The following SLC30A10 variants were observed in gnomAD, a reference collection of about 807,000 sequenced individuals.
The protein encoded by SLC30A10 is solute carrier family 30 member 10, also known as calcium/manganese antiporter SLC30A10.
A neutral mutation model predicts 21.7 loss-of-function variants in SLC30A10; 8 were observed. That is an observed-to-expected ratio of 0.37 (90% CI 0.22 to 0.67). The LOEUF (loss-of-function observed/expected upper bound fraction) is 0.67. Among genes scored for constraint, SLC30A10 ranks in the 30% least tolerant of loss-of-function variants. The pLI, the probability that SLC30A10 is intolerant of heterozygous loss-of-function variation, is 0.58. For synonymous variants in SLC30A10, 272 were observed against 279.4 expected (o/e 0.97, Z 0.26); for missense variants, 521 against 642.5 (o/e 0.81, Z 2.04).
chr1:219,920,959 C>A (rs747992655), intron 2 of SLC30A10, among the ~76,000 whole-genome samples: 1 of 152,144 alleles, frequency 6.6e-6, no homozygotes, highest in African/African-American at 2.4e-5. Flanking sequence ...TTACCTTTTT[C>A]ATACAAGACA....
chr1:219,922,438 AC>A (rs1659719592), intron 2 of SLC30A10, among the ~76,000 whole-genome samples: 1 of 151,796 alleles, frequency 6.6e-6, no homozygotes, highest in African/African-American at 2.4e-5. Context: ...TGGAGAGGAG[AC>A]AGACTTCAAC....
chr1:219,925,407 A>C (rs1196793500), intron 2 of SLC30A10, among the ~76,000 whole-genome samples: 1 of 150,980 alleles, frequency 6.6e-6, no homozygotes, highest in Non-Finnish European at 1.5e-5. Context: ...GGTGGTGCGC[A>C]CCTGTAATCC....
rs1307352437 is a variant in SLC30A10 at position 219,928,174 on chromosome 1, G to A, written c.267C>T (p.Leu89=). The A allele has an allele frequency of 1.3e-6, 2 of 1,559,434 alleles. No homozygotes were observed. The highest frequency in any genetic ancestry group is 1.9e-5 in the Admixed American group (1 of 51,640). The change falls in exon 1 of 4, where the codon CTC becomes CTT. Residue 89 remains leucine, a synonymous_variant. Transcript: ENST00000366926. This position sits in a 1 kb window ranked among gnomAD's most constrained non-coding sequence, Gnocchi z 6.3. Reference sequence around the variant, plus strand: ...CGAAGATGGTGAAGCAGAGCGCGGTGAGGAAGACCGCGTTGCTCAGCGCGC... The same window carrying A: ...CGAAGATGGTGAAGCAGAGCGCGGTAAGGAAGACCGCGTTGCTCAGCGCGC... ...VVGALSNAVF[L]TALCFTIFVE... is the part of the protein sequence containing the mutation.
At chr1:219,945,992 TG>T (rs1660183018) in intron 1 of SLC30A10, among the ~76,000 whole-genome samples, 1 of 152,140 alleles carries the variant, frequency 6.6e-6, no homozygotes, top group African/African-American at 2.4e-5. Flanking sequence ...AGAGGAAGCT[TG>T]GGGGTTTTGT....
intron 1 of SLC30A10, among the ~76,000 whole-genome samples, chr1:219,934,301 A>C (rs1660012812): frequency 6.6e-6 from 1 of 152,064 alleles, no homozygotes; most frequent in African/African-American, 2.4e-5. Flanking sequence ...CACACAAAAA[A>C]ATACCAAAAA....
chr1:219,957,237 T>A (rs531730071), intron 1 of SLC30A10, among the ~76,000 whole-genome samples: 2 of 152,258 alleles, frequency 1.3e-5, no homozygotes, highest in East Asian at 3.9e-4. Flanking sequence ...TATTTTTATG[T>A]TTACCACATC....
In SLC30A10 at chr1:219,937,604, G is replaced by A. The variant is rs1192202710; in HGVS notation, n.81-10499C>T. On this transcript the variant is annotated intron_variant and non_coding_transcript_variant, in intron 1 of 8. Coordinates refer to the SLC30A10 transcript ENST00000484239. ...CCAAGGCGGGCGGATCACTTGAGGTGTGGAGTTCAAGACCAGCCTGCCAAC... is the reference window on the plus strand; with the variant it reads ...CCAAGGCGGGCGGATCACTTGAGGTATGGAGTTCAAGACCAGCCTGCCAAC... Among the ~76,000 whole-genome samples the A allele has an allele frequency of 2.6e-5, 4 of 152,184 alleles. No homozygotes were observed. The East Asian group carries it at 7.7e-4, about 29-fold the overall frequency.
At chr1:219,926,962 A>G in intron 2 of SLC30A10, 66 bp downstream of exon 2, 1 of 1,315,020 alleles carries the variant, frequency 7.6e-7, no homozygotes, top group African/African-American at 1.5e-5. Flanking sequence ...AGTCAAACAG[A>G]AATAAACAAC....
chr1:219,955,003 CTA>C (rs989510500), intron 1 of SLC30A10, among the ~76,000 whole-genome samples: 2 of 151,978 alleles, frequency 1.3e-5, no homozygotes, highest in Non-Finnish European at 2.9e-5. Flanking sequence ...GAAAAAATAA[CTA>C]AAAATAAGAC....
At chr1:219,944,299 T>A (rs1374714340) in intron 1 of SLC30A10, among the ~76,000 whole-genome samples, 1 of 151,390 alleles carries the variant, frequency 6.6e-6, no homozygotes, top group Non-Finnish European at 1.5e-5. Flanking sequence ...ATACAAAAAA[T>A]TAGCCAGGCA....
intron 2 of SLC30A10, among the ~76,000 whole-genome samples, chr1:219,922,176 GTTTTTTTTTTTTTTTT>G (rs869249213): frequency 1.1e-3 from 40 of 36,448 alleles, no homozygotes; most frequent in African/African-American, 3.3e-3. Flanking sequence ...GTGTGTGTGT[GTTTTTTTTTTTTTTTT>G]TTTTTTTTTT....
At chr1:219,922,176 GTTT>G (rs869249213) in intron 2 of SLC30A10, among the ~76,000 whole-genome samples, 1 of 36,408 alleles carries the variant, frequency 2.7e-5, no homozygotes, top group Non-Finnish European at 5.1e-5. Flanking sequence ...GTGTGTGTGT[GTTT>G]TTTTTTTTTT....
At chr1:219,927,247 C>T (rs1659848002) in intron 1 of SLC30A10, 142 bp from the exon 2 acceptor site, 1 of 791,508 alleles carries the variant, frequency 1.3e-6, no homozygotes, top group Admixed American at 2.4e-5. Flanking sequence ...CAGCTCAGAA[C>T]AGTACATTTT....
chr1:219,915,978 A>C (rs1286173651), intron 3 of SLC30A10, 30 bp from the exon 4 acceptor site: 1 of 1,593,100 alleles, frequency 6.3e-7, no homozygotes, highest in South Asian at 1.1e-5. Context: ...ACAAAAGCCA[A>C]GGTGAGCGCT....
At chr1:219,929,426 A>G (rs1227271696), upstream of SLC30A10, among the ~76,000 whole-genome samples, 1 of 152,192 alleles carries the variant, frequency 6.6e-6, no homozygotes, top group East Asian at 1.9e-4. Context: ...TTCTTCATTG[A>G]AGAGAATATT....
At chr1:219,946,425 T>C (rs1407085575) in intron 1 of SLC30A10, among the ~76,000 whole-genome samples, 1 of 152,174 alleles carries the variant, frequency 6.6e-6, no homozygotes, top group East Asian at 1.9e-4. Flanking sequence ...GATAAACTGT[T>C]CATCTAGTCC....
At chr1:219,930,171 CAAACA>C, upstream of SLC30A10, among the ~76,000 whole-genome samples, 1 of 148,118 alleles carries the variant, frequency 6.8e-6, no homozygotes, top group African/African-American at 2.6e-5. Flanking sequence ...AAAAAACAAA[CAAACA>C]AAAAAAAAAC....
chr1:219,933,570 T>C (rs1000712371), upstream of SLC30A10, among the ~76,000 whole-genome samples: 1 of 152,188 alleles, frequency 6.6e-6, no homozygotes, highest in African/African-American at 2.4e-5. Context: ...TAATAGTATC[T>C]ACTTCATGAG....
intron 2 of SLC30A10, among the ~76,000 whole-genome samples, chr1:219,922,714 A>C (rs534551323): frequency 6.4e-4 from 98 of 152,310 alleles, no homozygotes; most frequent in Non-Finnish European, 1.2e-3. Context: ...ATGTAAAAAA[A>C]TGTCTGAAAA....
Sources: gnomAD v4.1 joint callset for allele counts (sites outside exome capture counted in the v4.1 genomes callset) on GRCh38, gnomAD v4.1.1 for gene constraint, Gnocchi (gnomAD v3.1) non-coding constraint, MANE v1.5 for transcripts, NCBI Gene and HGNC (gene_info 2026-07-23, HGNC 2026-07-21) for gene names.